Variants in ARHGAP24 observed in about 807,000 individuals in gnomAD.
ARHGAP24 encodes the protein rho GTPase-activating protein 24.
A neutral mutation model predicts 76.4 loss-of-function variants in ARHGAP24; 50 were observed. The observed-to-expected ratio is 0.65, with a 90% CI of 0.52 to 0.83. The LOEUF (loss-of-function observed/expected upper bound fraction) is 0.83. Ranked by LOEUF, ARHGAP24 falls within the 40% of genes least tolerant of loss-of-function variation. ARHGAP24 has a pLI of 0.00. For synonymous variants in ARHGAP24, 345 were observed against 323.3 expected (o/e 1.07, Z -0.72); for missense variants, 930 against 914.2 (o/e 1.02, Z -0.22).
intron 1 of ARHGAP24, among the ~76,000 whole-genome samples, chr4:85,512,278 GA>G (rs1328431029): frequency 6.6e-6 from 1 of 152,172 alleles, no homozygotes; most frequent in Non-Finnish European, 1.5e-5. Flanking sequence ...CTGCTGTGAG[GA>G]TTAAATGAGA....
At chr4:85,922,241 C>G (rs779524104) in intron 3 of ARHGAP24, among the ~76,000 whole-genome samples, 6 of 152,124 alleles carry the variant, frequency 3.9e-5, no homozygotes, top group Non-Finnish European at 5.9e-5. Flanking sequence ...ATCACCTGTT[C>G]CAAAAATTTA....
chr4:85,646,873 A>C (rs1179908485), intron 2 of ARHGAP24, among the ~76,000 whole-genome samples: 2 of 152,148 alleles, frequency 1.3e-5, no homozygotes, highest in Admixed American at 1.3e-4. Flanking sequence ...TGTTCAGAAT[A>C]TACTATTAGT....
intron 1 of ARHGAP24, among the ~76,000 whole-genome samples, chr4:85,530,668 A>T (rs1725221091): frequency 6.6e-6 from 1 of 152,052 alleles, no homozygotes; most frequent in African/African-American, 2.4e-5. Context: ...TATAAACTTT[A>T]TAACCAGAAA....
intron 4 of ARHGAP24, among the ~76,000 whole-genome samples, chr4:85,934,400 T>C (rs1307714870): frequency 1.3e-5 from 2 of 152,186 alleles, no homozygotes; most frequent in South Asian, 4.1e-4. Context: ...CCATTGTCTA[T>C]CTCAACTTTA....
chr4:85,497,010 AT>A (rs1373648941), intron 1 of ARHGAP24, among the ~76,000 whole-genome samples: 1 of 152,244 alleles, frequency 6.6e-6, no homozygotes, highest in Non-Finnish European at 1.5e-5. Flanking sequence ...TGTTATGAGA[AT>A]ATTGGATATT....
At chr4:85,490,317 A>T (rs1410429104) in intron 1 of ARHGAP24, among the ~76,000 whole-genome samples, 1 of 152,170 alleles carries the variant, frequency 6.6e-6, no homozygotes, top group Non-Finnish European at 1.5e-5. Flanking sequence ...CATAAATTGT[A>T]GCTAGAACAA....
intron 2 of ARHGAP24, among the ~76,000 whole-genome samples, chr4:85,688,345 T>G (rs981959051): frequency 1.3e-5 from 2 of 152,340 alleles, no homozygotes; most frequent in African/African-American, 4.8e-5. Flanking sequence ...TATTTTTTCA[T>G]GTTTGTTGGC....
At chr4:85,771,926 C>T (rs1244384791) in intron 3 of ARHGAP24, among the ~76,000 whole-genome samples, 1 of 152,132 alleles carries the variant, frequency 6.6e-6, no homozygotes, top group Non-Finnish European at 1.5e-5. Context: ...CCAGGCTGGT[C>T]TTGAACTCCT....
chr4:85,736,494 C>T (rs1430182859), intron 3 of ARHGAP24, among the ~76,000 whole-genome samples: 1 of 152,098 alleles, frequency 6.6e-6, no homozygotes, highest in Non-Finnish European at 1.5e-5. Flanking sequence ...TGATTCAATT[C>T]GAATCCAAAG....
At chr4:85,554,847 T>C (rs1474919873) in intron 1 of ARHGAP24, among the ~76,000 whole-genome samples, 2 of 151,608 alleles carry the variant, frequency 1.3e-5, no homozygotes, top group Non-Finnish European at 2.9e-5. Flanking sequence ...ATTTTTTTTT[T>C]TTTTTTGTAT....
At chr4:85,780,836 C>G (rs1727524745) in intron 3 of ARHGAP24, among the ~76,000 whole-genome samples, 1 of 152,158 alleles carries the variant, frequency 6.6e-6, no homozygotes, top group Admixed American at 6.5e-5. Flanking sequence ...GTAGAGGTTG[C>G]CATGGAAGTA....
chr4:85,676,956 A>G (rs568013756), intron 2 of ARHGAP24, among the ~76,000 whole-genome samples: 4 of 152,326 alleles, frequency 2.6e-5, no homozygotes, highest in Admixed American at 6.5e-5. Flanking sequence ...ACAAGCAAGC[A>G]GAGCCACTGC....
intron 3 of ARHGAP24, among the ~76,000 whole-genome samples, chr4:85,750,621 G>A (rs989661852): frequency 6.7e-6 from 1 of 148,646 alleles, no homozygotes; most frequent in African/African-American, 2.5e-5. Flanking sequence ...TCAGCTTCCC[G>A]AGTAGCTGGG....
intron 1 of ARHGAP24, among the ~76,000 whole-genome samples, chr4:85,552,298 G>A (rs1726172030): frequency 6.6e-6 from 1 of 152,184 alleles, no homozygotes; most frequent in Non-Finnish European, 1.5e-5. Context: ...TCATTCAGGA[G>A]CAGGTTGTTG....
chr4:85,687,483 G>T (rs1278264560), intron 2 of ARHGAP24, among the ~76,000 whole-genome samples: 2 of 152,104 alleles, frequency 1.3e-5, no homozygotes, highest in African/African-American at 4.8e-5. Context: ...GTCCACCTGT[G>T]CTAAATATTT....
intron 1 of ARHGAP24, among the ~76,000 whole-genome samples, chr4:85,493,709 C>T (rs1240029767): frequency 6.6e-6 from 1 of 152,162 alleles, no homozygotes. Flanking sequence ...TTTCTAAAGA[C>T]ACCAGATTTC....
At chr4:85,783,678 G>A (rs6531870) in intron 3 of ARHGAP24, among the ~76,000 whole-genome samples, 146,527 of 152,224 alleles carry the variant, frequency 0.96, 70,786 homozygotes, top group East Asian at 1. Flanking sequence ...TCCCCAGGGA[G>A]TGGAAGGGTT....
chr4:85,612,895 C>G (rs145730258), intron 2 of ARHGAP24, among the ~76,000 whole-genome samples: 276 of 149,038 alleles, frequency 1.9e-3, no homozygotes, highest in African/African-American at 6.7e-3. Flanking sequence ...ACCTCCTGGA[C>G]TCAAGCAATT....
intron 1 of ARHGAP24, among the ~76,000 whole-genome samples, chr4:85,567,005 G>A (rs1159656800): frequency 6.6e-6 from 1 of 152,176 alleles, no homozygotes; most frequent in East Asian, 1.9e-4. Context: ...GAGTGGTTAA[G>A]TATGTATGTG....
Sources: allele counts gnomAD v4.1 joint callset (sites outside exome capture counted in the v4.1 genomes callset), GRCh38; gene constraint gnomAD v4.1.1; transcripts MANE v1.5; gene names NCBI Gene and HGNC (gene_info 2026-07-23, HGNC 2026-07-21).